FRMD4A: variants seen among roughly 807,000 people sequenced by gnomAD.
The protein encoded by FRMD4A is FERM domain-containing protein 4A.
FRMD4A carries 29 observed loss-of-function variants against 129.1 expected under a neutral mutation model. The observed-to-expected ratio is 0.22, with a 90% CI of 0.17 to 0.31. The LOEUF (loss-of-function observed/expected upper bound fraction) is 0.31. Among genes scored for constraint, FRMD4A ranks in the 10% least tolerant of loss-of-function variants. FRMD4A has a pLI of 1.00. For missense variants in FRMD4A, 1,272 were observed against 1,375.8 expected, an observed-to-expected ratio of 0.92 and a Z score of 1.19; for synonymous variants, 634 against 571.6, an observed-to-expected ratio of 1.11 and a Z score of -1.56.
chr10:13,862,432 C>A (rs2094307354), intron 2 of FRMD4A, among the ~76,000 whole-genome samples: 1 of 152,152 alleles, frequency 6.6e-6, no homozygotes, highest in African/African-American at 2.4e-5. Flanking sequence ...TCATTTTCAT[C>A]TGAAAAAAAT....
At chr10:14,221,005 G>C (rs935058759) in intron 2 of FRMD4A, among the ~76,000 whole-genome samples, 2 of 152,036 alleles carry the variant, frequency 1.3e-5, no homozygotes, top group Admixed American at 1.3e-4. Flanking sequence ...ATAATAGTCT[G>C]GATTGAGGAG....
chr10:14,220,663 C>A (rs1244253004), intron 2 of FRMD4A, among the ~76,000 whole-genome samples: 1 of 152,152 alleles, frequency 6.6e-6, no homozygotes, highest in African/African-American at 2.4e-5. Flanking sequence ...GACCTCAGTG[C>A]AGCAGTGGGA....
In FRMD4A at chr10:13,849,895, C is replaced by T. The variant is rs145226497; in HGVS notation, c.111+8952G>A. Among the ~76,000 whole-genome samples the T allele has an allele frequency of 4.4e-3, 667 of 151,808 alleles. 3 individuals carry two copies. Among genetic ancestry groups the T allele is most frequent in the African/African-American group, 0.015 (637 of 41,386 alleles). On this transcript the variant is annotated intron_variant, in intron 3 of 24. Coordinates refer to ENST00000357447, the MANE Select transcript of FRMD4A (RefSeq NM_018027.5). ...ATAGAGAATCCAAGTTTAGGCCGGG[C>T]GCAGTGGCTCATACCTGTAATCCCA... is the stretch of plus-strand genomic sequence containing the variant.
At chr10:13,829,726 T>C (rs1200227540) in intron 3 of FRMD4A, among the ~76,000 whole-genome samples, 4 of 152,178 alleles carry the variant, frequency 2.6e-5, no homozygotes, top group African/African-American at 9.7e-5. Flanking sequence ...TCCATCACCT[T>C]TAGCCCCAAC....
rs113478975 is a variant in FRMD4A, at chr10:14,125,722, GACACAC to G, written c.45+204330_45+204335del. 1.0e-4 allele frequency among the ~76,000 whole-genome samples: 15 copies of G among 149,078 alleles called. No homozygotes were observed. The South Asian group carries it at 3.2e-3, about 32-fold the overall frequency. ...CCAGTCTCTCTCTCTCTCACACACA[GACACAC>G]ACACACACACACGTGCACACTCATG... On this transcript the variant is annotated intron_variant, in intron 2 of 24. Coordinates refer to ENST00000357447, the MANE Select transcript of FRMD4A (RefSeq NM_018027.5).
intron 8 of FRMD4A, among the ~76,000 whole-genome samples, chr10:13,756,627 A>G (rs892529953): frequency 1.3e-5 from 2 of 152,170 alleles, no homozygotes; most frequent in Admixed American, 6.5e-5. Context: ...GGCCTCCCAA[A>G]GTGCTGGGAT....
intron 2 of FRMD4A, among the ~76,000 whole-genome samples, chr10:14,225,320 A>G (rs1358062845): frequency 6.6e-6 from 1 of 152,172 alleles, no homozygotes; most frequent in African/African-American, 2.4e-5. Context: ...AAGGAAGAAA[A>G]GCTTTCAAAT....
intron 2 of FRMD4A, among the ~76,000 whole-genome samples, chr10:14,136,695 C>A (rs113981063): frequency 2.1e-4 from 31 of 150,650 alleles, no homozygotes; most frequent in African/African-American, 7.0e-4. Context: ...CCAGTTGTCT[C>A]GCCTTTCCTG....
intron 2 of FRMD4A, among the ~76,000 whole-genome samples, chr10:14,140,107 G>A (rs1489066563): frequency 6.6e-6 from 1 of 152,012 alleles, no homozygotes; most frequent in Non-Finnish European, 1.5e-5. Flanking sequence ...TGTTACCCAG[G>A]CTGGAGTGCA....
chr10:14,113,949 C>T (rs940371273), intron 2 of FRMD4A, among the ~76,000 whole-genome samples: 2 of 152,190 alleles, frequency 1.3e-5, no homozygotes, highest in Non-Finnish European at 2.9e-5. Flanking sequence ...CACCCCCAGC[C>T]CATCCTATCG....
chr10:13,861,512 C>A (rs190909196), intron 2 of FRMD4A, among the ~76,000 whole-genome samples: 58 of 152,280 alleles, frequency 3.8e-4, no homozygotes, highest in Non-Finnish European at 7.3e-4. Flanking sequence ...GACTTAGCAG[C>A]CCCCAGCTCT....
intron 2 of FRMD4A, among the ~76,000 whole-genome samples, chr10:14,216,698 C>A (rs1257913698): frequency 6.6e-6 from 1 of 151,980 alleles, no homozygotes; most frequent in Non-Finnish European, 1.5e-5. Context: ...AGACAGGAAC[C>A]AAATCGTTAA....
chr10:13,907,725 C>T (rs973222102), intron 2 of FRMD4A, among the ~76,000 whole-genome samples: 2 of 152,162 alleles, frequency 1.3e-5, no homozygotes, highest in Non-Finnish European at 2.9e-5. Flanking sequence ...TCACTGAGAG[C>T]TGTCACCTGC....
At chr10:14,004,848 T>C (rs1428227037) in intron 2 of FRMD4A, among the ~76,000 whole-genome samples, 1 of 152,202 alleles carries the variant, frequency 6.6e-6, no homozygotes, top group Non-Finnish European at 1.5e-5. Flanking sequence ...AGCCTCACTC[T>C]TGTCACCCCA....
At chr10:13,844,897 C>T (rs1436502123) in intron 3 of FRMD4A, among the ~76,000 whole-genome samples, 1 of 152,178 alleles carries the variant, frequency 6.6e-6, no homozygotes, top group Non-Finnish European at 1.5e-5. Flanking sequence ...TGGGAAGCAA[C>T]AGTTAGTACA....
chr10:13,798,240 G>C (rs1296989322), intron 4 of FRMD4A, among the ~76,000 whole-genome samples: 1 of 152,044 alleles, frequency 6.6e-6, no homozygotes, highest in Non-Finnish European at 1.5e-5. Context: ...GTGAAACCCT[G>C]TCTCTACTAA....
chr10:13,971,262 A>G (rs75410425), intron 2 of FRMD4A, among the ~76,000 whole-genome samples: 58 of 152,368 alleles, frequency 3.8e-4, no homozygotes, highest in African/African-American at 1.3e-3. Flanking sequence ...ATTTGTGGAA[A>G]GAACATCCTT....
At chr10:13,781,408 T>C (rs1417872414) in intron 6 of FRMD4A, among the ~76,000 whole-genome samples, 2 of 135,422 alleles carry the variant, frequency 1.5e-5, no homozygotes, top group Non-Finnish European at 3.1e-5. Flanking sequence ...GACAGAGTTT[T>C]GCTCTGTTGC....
rs533642063 is a variant in FRMD4A at position 14,046,279 on chromosome 10, A to G, written c.46-187367T>C. Among the ~76,000 whole-genome samples, 8 of 152,306 alleles carry G rather than the reference A, an allele frequency of 5.3e-5. No homozygotes were observed. In the South Asian group the frequency reaches 1.7e-3, roughly 32 times the overall value. On this transcript the variant is annotated intron_variant, in intron 2 of 24. Transcript: ENST00000357447. Reference sequence around the variant, plus strand: ...TATTTAAAACACAATTGGACCTTACAGTCACTACTGCTCTAGTGATTTACA... The same window carrying G: ...TATTTAAAACACAATTGGACCTTACGGTCACTACTGCTCTAGTGATTTACA...
Sources: gnomAD v4.1 joint callset for allele counts (sites outside exome capture counted in the v4.1 genomes callset) on GRCh38, gnomAD v4.1.1 for gene constraint, MANE v1.5 for transcripts, NCBI Gene and HGNC (gene_info 2026-07-23, HGNC 2026-07-21) for gene names.